Variants in AARD observed in about 807,000 individuals in gnomAD.
AARD encodes the protein alanine and arginine rich domain containing protein.
AARD carries 9 observed loss-of-function variants against 9.3 expected under a neutral mutation model. That is an observed-to-expected ratio of 0.97 (90% CI 0.58 to 1.69). The LOEUF is 1.69. Among genes scored for constraint, AARD ranks in the 40% most tolerant of loss-of-function variants. The pLI is 0.00. For synonymous variants in AARD, 91 were observed against 93.8 expected (o/e 0.97, Z 0.17); for missense variants, 236 against 210.3 (o/e 1.12, Z -0.76).
At position 116,942,581 on chromosome 8, in the gene AARD, C is replaced by A; in HGVS notation, c.348C>A (p.His116Gln). 6.2e-7 allele frequency: 1 copy of A among 1,612,714 alleles called. No homozygotes were observed. The change falls in exon 2 of 2, where the codon CAC (histidine) becomes CAA (glutamine). Residue 116 changes from histidine (H) to glutamine (Q), a missense_variant. His to Gln is a conservative substitution (Grantham distance 24). Transcript: ENST00000378279. ...AELVEMHFQN[H>Q]QLARTLLDLN... ...AGGTGGAAATGCATTTCCAAAACCA[C>A]CAGCTGGCTAGAACTTTACTGGACC...
rs1483512276 is a variant in AARD at position 116,943,768 on chromosome 8, C to CTT, written c.*1068_*1069dup. On this transcript the variant is annotated 3_prime_UTR_variant, in exon 2 of 2. Coordinates refer to ENST00000378279, the MANE Select transcript of AARD (RefSeq NM_001025357.3). ...GCTGTATAAGACTCCAGGCCTTGCTCTTGTTTATGTACATGAAATATTCTG... is the reference window on the plus strand; with the variant it reads ...GCTGTATAAGACTCCAGGCCTTGCTCTTTTGTTTATGTACATGAAATATTCTG... The CTT allele has an allele frequency of 6.6e-6, 1 of 152,138 alleles. No homozygotes were observed. The highest frequency in any genetic ancestry group is 1.5e-5 in the Non-Finnish European group (1 of 68,024). The allele number at this position is 152,138 out of a possible 1,614,324, so 9.4% of individuals were successfully genotyped here.
At chr8:116,941,915 C>G (rs950522566) in intron 1 of AARD, among the ~76,000 whole-genome samples, 1 of 152,120 alleles carries the variant, frequency 6.6e-6, no homozygotes. Flanking sequence ...GGACTGCCCC[C>G]GGGTAACATG....
At chr8:116,939,559 G>A (rs932690973) in intron 1 of AARD, among the ~76,000 whole-genome samples, 2 of 152,162 alleles carry the variant, frequency 1.3e-5, no homozygotes, top group Admixed American at 6.5e-5. Flanking sequence ...TTGAACCTGG[G>A]AGGCAGAGGC....
intron 1 of AARD, 57 bp from the exon 2 acceptor site, chr8:116,942,501 G>T: frequency 4.8e-6 from 7 of 1,458,846 alleles, no homozygotes; most frequent in Non-Finnish European, 6.5e-6. Context: ...TCAGAGAGTG[G>T]TTTCATTTGA....
Position 116,938,500 on chromosome 8 carries a change from C to G in AARD, c.257C>G (p.Ala86Gly). 6.5e-7 allele frequency: 1 copy of G among 1,533,366 alleles called. No homozygotes were observed. The highest frequency in any genetic ancestry group is 8.7e-7 in the Non-Finnish European group (1 of 1,145,336). The allele number at this position is 1,533,366 out of a possible 1,614,324, so 95.0% of individuals were successfully genotyped here. Residue 86 changes from alanine to glycine, a missense_variant, in exon 1 of 2, where the codon GCG (alanine) becomes GGG (glycine). By Grantham distance (60) the Ala-to-Gly change is moderately conservative. Coordinates refer to ENST00000378279, the MANE Select transcript of AARD (RefSeq NM_001025357.3). ...SRRVQEAAAA[A>G]AAREEQSWTG... ...CGCGTGCAGGAGGCGGCGGCGGCGG[C>G]GGCGGCGCGGGAGGAGCAGAGCTGG...
At position 116,942,660 on chromosome 8, in the gene AARD, G is replaced by C. The variant is rs763817678; in HGVS notation, c.427G>C (p.Asp143His). ...GGAGTATGAACTGGAAATTACATCAGACTCCCAAAGCCCAAAAGATGATGC... is the reference window on the plus strand; with the variant it reads ...GGAGTATGAACTGGAAATTACATCACACTCCCAAAGCCCAAAAGATGATGC... ...KKEYELEITSDSQSPKDDAAN... is the reference protein window; with the variant it reads ...KKEYELEITSHSQSPKDDAAN... Residue 143 changes from aspartate (D) to histidine (H), a missense_variant, in exon 2 of 2, where the codon GAC becomes CAC. Coordinates refer to ENST00000378279, the MANE Select transcript of AARD (RefSeq NM_001025357.3). 1 of 1,613,792 alleles carries C rather than the reference G, an allele frequency of 6.2e-7. No homozygotes were observed. The highest frequency in any genetic ancestry group is 2.2e-5 in the East Asian group (1 of 44,886).
In AARD at chr8:116,938,623, C is replaced by T. The variant is rs1431920007; in HGVS notation, c.324+56C>T. On this transcript the variant is annotated intron_variant, in intron 1 of 1. Coordinates refer to ENST00000378279, the MANE Select transcript of AARD (RefSeq NM_001025357.3). ...AGGGCTCCCTCTCCCGGGTCCTCTCCTCCAGCTGCAGAGCCGCTGGCCGCG... is the reference window on the plus strand; with the variant it reads ...AGGGCTCCCTCTCCCGGGTCCTCTCTTCCAGCTGCAGAGCCGCTGGCCGCG... 4.3e-6 allele frequency: 6 copies of T among 1,382,030 alleles called. No individual in the cohort carries two copies. In the African/African-American group the frequency reaches 4.6e-5, roughly 11 times the overall value. 85.6% of individuals were successfully genotyped at this position (1,382,030 alleles called of 1,614,324 possible).
chr8:116,938,492 G>T lies in AARD; in HGVS notation c.249G>T (p.Ala83=), dbSNP rs939683578. ...TCTCGAGGCGCGTGCAGGAGGCGGC[G>T]GCGGCGGCGGCGGCGCGGGAGGAGC... The part of the protein sequence containing the change: ...RAISRRVQEA[A]AAAAAREEQS... Residue 83 remains alanine, a synonymous_variant, in exon 1 of 2, where the codon GCG becomes GCT. Coordinates refer to ENST00000378279, the MANE Select transcript of AARD (RefSeq NM_001025357.3). 5 of 1,535,464 alleles carry T rather than the reference G, an allele frequency of 3.3e-6. No individual in the cohort carries two copies. The African/African-American group carries it at 5.8e-5, about 18-fold the overall frequency.
Position 116,938,384 on chromosome 8 carries a change from G to A in AARD, c.141G>A (p.Glu47=). ...ACGGCAGGAGCACGGACATCCAGGAGGAGGCCCTCGCCGCCAGCCCGCTGC... is the reference window on the plus strand; with the variant it reads ...ACGGCAGGAGCACGGACATCCAGGAAGAGGCCCTCGCCGCCAGCCCGCTGC... ...FGDGRSTDIQ[E]EALAASPLLE... Residue 47 remains glutamate, a synonymous_variant, in exon 1 of 2, where the codon GAG becomes GAA. Coordinates refer to ENST00000378279, the MANE Select transcript of AARD (RefSeq NM_001025357.3). 1.2e-6 allele frequency: 2 copies of A among 1,612,574 alleles called. No individual in the cohort carries two copies. Among genetic ancestry groups the A allele is most frequent in the Non-Finnish European group, 1.7e-6 (2 of 1,179,868 alleles).
chr8:116,938,873 G>A (rs371984824), intron 1 of AARD, among the ~76,000 whole-genome samples: 6 of 151,564 alleles, frequency 4.0e-5, no homozygotes, highest in African/African-American at 1.4e-4. Flanking sequence ...TGTATGGCTC[G>A]CGGAGGAGGA....
At chr8:116,938,911 C>T (rs1448448735) in intron 1 of AARD, among the ~76,000 whole-genome samples, 2 of 152,174 alleles carry the variant, frequency 1.3e-5, no homozygotes, top group Non-Finnish European at 2.9e-5. Context: ...CTCTCTCTTG[C>T]GATTGATGGA....
chr8:116,942,572 C>G lies in AARD; in HGVS notation c.339C>G (p.Phe113Leu). The change falls in exon 2 of 2, where the codon TTC (phenylalanine) becomes TTG (leucine). Residue 113 changes from phenylalanine to leucine, a missense_variant. Physicochemically the swap from Phe to Leu is conservative, Grantham distance 22 (BLOSUM62 0). Transcript: ENST00000378279. ...CTAACTTTTAGGTGGAAATGCATTT[C>G]CAAAACCACCAGCTGGCTAGAACTT... ...RLRAELVEMH[F>L]QNHQLARTLL... The G allele has an allele frequency of 6.2e-7, 1 of 1,611,422 alleles. No individual in the cohort carries two copies. Among genetic ancestry groups the G allele is most frequent in the Non-Finnish European group, 8.5e-7 (1 of 1,178,556 alleles).
At chr8:116,938,997 A>G (rs550114840) in intron 1 of AARD, among the ~76,000 whole-genome samples, 1 of 152,354 alleles carries the variant, frequency 6.6e-6, no homozygotes, top group East Asian at 1.9e-4. Flanking sequence ...TAATTTAGAA[A>G]ACTGGAAGTG....
At position 116,938,443 on chromosome 8, in the gene AARD, T is replaced by C. The variant is rs1256083288; in HGVS notation, c.200T>C (p.Phe67Ser). Reference sequence around the variant, plus strand: ...CTCAGACGACGGCTGACGCGCGCCTTCCAGTGGGCGGTGCAGCGCGCGATC... The same window carrying C: ...CTCAGACGACGGCTGACGCGCGCCTCCCAGTGGGCGGTGCAGCGCGCGATC... ...EDLRRRLTRAFQWAVQRAISR... is the reference protein window; with the variant it reads ...EDLRRRLTRASQWAVQRAISR... Residue 67 changes from phenylalanine (F) to serine (S), a missense_variant, in exon 1 of 2, where the codon TTC becomes TCC. Physicochemically the swap from Phe to Ser is radical, Grantham distance 155. Transcript: ENST00000378279. 2.5e-6 allele frequency: 4 copies of C among 1,607,386 alleles called. No homozygotes were observed. The highest frequency in any genetic ancestry group is 1.7e-4 in the Middle Eastern group (1 of 5,856).
At chr8:116,941,179 T>C (rs1177312224) in intron 1 of AARD, among the ~76,000 whole-genome samples, 1 of 152,240 alleles carries the variant, frequency 6.6e-6, no homozygotes, top group Non-Finnish European at 1.5e-5. Flanking sequence ...CAGTCTCGTC[T>C]GGTCAGCGTG....
Position 116,938,256 on chromosome 8 carries a change from G to C in AARD, c.13G>C (p.Asp5His). Reference sequence around the variant, plus strand: ...AGGCGTCTCCGCGATGGGCCCCGGGGACTTCCGCCGCTGCAGAGAGAGAAT... The same window carrying C: ...AGGCGTCTCCGCGATGGGCCCCGGGCACTTCCGCCGCTGCAGAGAGAGAAT... MGPG[D>H]FRRCRERISQ... The change falls in exon 1 of 2, where the codon GAC becomes CAC. Residue 5 changes from aspartate (D) to histidine (H), a missense_variant. Asp to His is a moderately conservative substitution (Grantham distance 81). Transcript: ENST00000378279. 6.2e-7 allele frequency: 1 copy of C among 1,600,144 alleles called. No individual in the cohort carries two copies. The highest frequency in any genetic ancestry group is 8.5e-7 in the Non-Finnish European group (1 of 1,173,062).
rs149590322 is a variant in AARD at position 116,942,713 on chromosome 8, C to T, written c.*12C>T. On this transcript the variant is annotated 3_prime_UTR_variant, in exon 2 of 2. Coordinates refer to ENST00000378279, the MANE Select transcript of AARD (RefSeq NM_001025357.3). ...CGAATCCGGAATAAAGAAATGCACA[C>T]GCAAGGGCTGGGCGCGGTGGCTCAC... The T allele has an allele frequency of 1.8e-3, 2,919 of 1,611,484 alleles. 5 individuals carry two copies. The highest frequency in any genetic ancestry group is 2.2e-3 in the Non-Finnish European group (2,539 of 1,179,094).
chr8:116,939,697 T>G (rs1171376214), intron 1 of AARD, among the ~76,000 whole-genome samples: 1 of 152,230 alleles, frequency 6.6e-6, no homozygotes. Flanking sequence ...ATGGGTTACA[T>G]TAGATTTACT....
At chr8:116,939,418 G>A (rs996064922) in intron 1 of AARD, among the ~76,000 whole-genome samples, 4 of 152,192 alleles carry the variant, frequency 2.6e-5, no homozygotes, top group Admixed American at 6.5e-5. Context: ...GATCACCTGA[G>A]GCCAGGAGTT....
Sources: gnomAD v4.1 joint callset for allele counts (sites outside exome capture counted in the v4.1 genomes callset) on GRCh38, gnomAD v4.1.1 for gene constraint, MANE v1.5 for transcripts, NCBI Gene and HGNC (gene_info 2026-07-23, HGNC 2026-07-21) for gene names.